The following STON1 variants were observed in gnomAD, a reference collection of about 807,000 sequenced individuals.
The protein encoded by STON1 is stonin-1.
Under a neutral mutation model 60.9 loss-of-function variants are expected in STON1, and 79 were observed. The ratio of observed to expected loss-of-function variants is 1.30; its 90% CI spans 1.08 to 1.56. The LOEUF is 1.56. STON1 is among the 40% of genes most tolerant of loss of function. STON1 has a pLI of 0.00. For missense variants in STON1, 1,166 were observed against 858.9 expected (o/e 1.36, Z -4.47); for synonymous variants, 363 against 306.9 (o/e 1.18, Z -1.91).
chr2:48,550,818 A>G (rs1672072236), intron 1 of STON1, among the ~76,000 whole-genome samples: 1 of 151,624 alleles, frequency 6.6e-6, no homozygotes, highest in Non-Finnish European at 1.5e-5. Context: ...AGAGGAAAAC[A>G]CCTTCAGAGT....
intron 1 of STON1, among the ~76,000 whole-genome samples, chr2:48,563,634 T>C (rs1672699803): frequency 6.6e-6 from 1 of 152,218 alleles, no homozygotes; most frequent in Admixed American, 6.5e-5. Context: ...GTCTTCAGCA[T>C]GCTCCTGAGG....
intron 1 of STON1, among the ~76,000 whole-genome samples, chr2:48,549,291 T>C (rs1168669902): frequency 6.6e-6 from 1 of 152,212 alleles, no homozygotes; most frequent in East Asian, 1.9e-4. Flanking sequence ...TGATGCTCCC[T>C]GAAGCACCTT....
At chr2:48,575,031 C>T (rs1558621963) in intron 1 of STON1, among the ~76,000 whole-genome samples, 1 of 152,228 alleles carries the variant, frequency 6.6e-6, no homozygotes, top group Admixed American at 6.5e-5. Flanking sequence ...TTACCTACTC[C>T]CAGTTCCTGG....
Position 48,581,512 on chromosome 2 carries a change from A to G in STON1, c.879A>G (p.Gln293=), listed in dbSNP as rs1347663027. Reference sequence around the variant, plus strand: ...AGAAGAATATGATGTCTTCCCGGCAATGGGGACCAATTTTTCTGAAAGTTT... The same window carrying G: ...AGAAGAATATGATGTCTTCCCGGCAGTGGGGACCAATTTTTCTGAAAGTTT... The part of the protein sequence containing the change: ...PEKKNMMSSR[Q]WGPIFLKVLP... The change falls in exon 2 of 4, where the codon CAA becomes CAG. Residue 293 remains glutamine (Q), a synonymous_variant. Transcript: ENST00000404752. The G allele has an allele frequency of 7.4e-6, 12 of 1,614,108 alleles. No individual in the cohort carries two copies. The highest frequency in any genetic ancestry group is 1.1e-5 in the South Asian group (1 of 91,092).
chr2:48,576,781 C>T (rs1414382949), intron 1 of STON1, among the ~76,000 whole-genome samples: 1 of 151,996 alleles, frequency 6.6e-6, no homozygotes, highest in Admixed American at 6.6e-5. Context: ...GCAGGCCGGG[C>T]GCGGTGGCTC....
chr2:48,542,915 A>T (rs72822291), intron 1 of STON1, among the ~76,000 whole-genome samples: 21,506 of 150,582 alleles, frequency 0.14, 2,024 homozygotes, highest in East Asian at 0.41. Flanking sequence ...AAAAAAAAAG[A>T]AGGTCTAATC....
intron 1 of STON1, among the ~76,000 whole-genome samples, chr2:48,554,871 C>A (rs1374415113): frequency 1.4e-5 from 1 of 73,694 alleles, no homozygotes; most frequent in Non-Finnish European, 2.7e-5. Flanking sequence ...GAGGACCCTG[C>A]GGCCTTCCGC....
chr2:48,582,163 C>G lies in STON1; in HGVS notation c.1530C>G (p.Cys510Trp), dbSNP rs1673926464. ...RIIKFVPLDA[C>W]RFELMRFKTL... ...TTAAGTTTGTACCTCTGGATGCCTG[C>G]CGGTTTGAGCTGATGCGTTTCAAGA... Residue 510 changes from cysteine to tryptophan, a missense_variant, in exon 2 of 4, where the codon TGC becomes TGG. Physicochemically the swap from Cys to Trp is radical, Grantham distance 215. Transcript: ENST00000404752. The G allele has an allele frequency of 2.5e-6, 4 of 1,614,180 alleles. No individual in the cohort carries two copies. The highest frequency in any genetic ancestry group is 3.4e-6 in the Non-Finnish European group (4 of 1,180,044).
At chr2:48,541,195 A>G (rs1201725630) in intron 1 of STON1, among the ~76,000 whole-genome samples, 1 of 151,658 alleles carries the variant, frequency 6.6e-6, no homozygotes, top group African/African-American at 2.4e-5. Context: ...TACTAAAAAT[A>G]CAAAAATTAG....
chr2:48,576,977 C>G (rs781198936), intron 1 of STON1, among the ~76,000 whole-genome samples: 1 of 151,292 alleles, frequency 6.6e-6, no homozygotes, highest in East Asian at 2.0e-4. Flanking sequence ...TGGCGTGAAC[C>G]TGGGAGATGG....
rs1047224833 is a variant in STON1 at position 48,595,957 on chromosome 2, A to G, written c.*655A>G. 7 of 152,218 alleles carry G rather than the reference A, an allele frequency of 4.6e-5. No homozygotes were observed. Among genetic ancestry groups the G allele is most frequent in the African/African-American group, 1.7e-4 (7 of 41,448 alleles). 9.4% of individuals were successfully genotyped at this position (152,218 alleles called of 1,614,324 possible). A position where few individuals can be genotyped will look rare whatever the true frequency, so the allele number is the denominator to read the frequency against. On this transcript the variant is annotated 3_prime_UTR_variant, in exon 4 of 4. Transcript: ENST00000404752. The stretch of plus-strand genomic sequence containing the variant: ...TGTTTTCTGGCGCGTGCTGCAAAGA[A>G]GCTATTTCTGTTGTCCTACATATTT...
intron 1 of STON1, among the ~76,000 whole-genome samples, chr2:48,546,386 T>A (rs1473162338): frequency 1.3e-5 from 2 of 152,158 alleles, no homozygotes; most frequent in African/African-American, 4.8e-5. Flanking sequence ...CACACTCAGC[T>A]CTGTGCACTC....
intron 3 of STON1, among the ~76,000 whole-genome samples, chr2:48,592,347 A>G (rs1038505223): frequency 6.6e-6 from 1 of 151,624 alleles, no homozygotes; most frequent in African/African-American, 2.4e-5. Context: ...GGGTATGTGT[A>G]TGTAAAACAC....
At chr2:48,563,728 CTG>C (rs1672704970) in intron 1 of STON1, among the ~76,000 whole-genome samples, 1 of 151,150 alleles carries the variant, frequency 6.6e-6, no homozygotes, top group South Asian at 2.1e-4. Context: ...CGTGGTCTCA[CTG>C]TGATTCAGGC....
At chr2:48,552,585 A>C (rs1672148897) in intron 1 of STON1, among the ~76,000 whole-genome samples, 1 of 151,982 alleles carries the variant, frequency 6.6e-6, no homozygotes, top group Non-Finnish European at 1.5e-5. Context: ...CAACATGGTG[A>C]GAGCCCGTCT....
chr2:48,586,797 G>T (rs1237825215), intron 2 of STON1, among the ~76,000 whole-genome samples: 1 of 152,198 alleles, frequency 6.6e-6, no homozygotes, highest in Non-Finnish European at 1.5e-5. Flanking sequence ...TTTAGGAGTA[G>T]ATTATAGACA....
intron 1 of STON1, among the ~76,000 whole-genome samples, chr2:48,556,229 A>G (rs1572942832): frequency 7.0e-5 from 2 of 28,556 alleles, no homozygotes; most frequent in Non-Finnish European, 1.5e-4. Flanking sequence ...TGACCCCCCC[A>G]CCTCCCTCCC....
chr2:48,578,569 TCC>T lies in STON1; in HGVS notation c.-47-2017_-47-2016del, dbSNP rs1158466711. On this transcript the variant is annotated intron_variant, in intron 1 of 3. Coordinates refer to ENST00000404752, the MANE Select transcript of STON1 (RefSeq NM_006873.4). ...CTCCTTCTCCTCCTTCTCCTCCTCC[TCC>T]TCCTCCTTCCTTTTTTTTTTTTTTT... 3.4e-3 allele frequency among the ~76,000 whole-genome samples: 386 copies of T among 114,680 alleles called. 1 individual carries two copies. Among genetic ancestry groups the T allele is most frequent in the Non-Finnish European group, 5.9e-3 (322 of 54,836 alleles). The allele number at this position is 114,680 out of a possible 152,430, so 75.2% of individuals were successfully genotyped here. A position where few individuals can be genotyped will look rare whatever the true frequency, so the allele number is the denominator to read the frequency against.
intron 1 of STON1, among the ~76,000 whole-genome samples, chr2:48,557,082 C>T (rs1206244165): frequency 9.2e-6 from 1 of 108,948 alleles, no homozygotes; most frequent in African/African-American, 3.3e-5. Context: ...TGACCCCCCC[C>T]CACCTCCCTC....
Sources: gnomAD v4.1 joint callset for allele counts (sites outside exome capture counted in the v4.1 genomes callset) on GRCh38, gnomAD v4.1.1 for gene constraint, MANE v1.5 for transcripts, NCBI Gene and HGNC (gene_info 2026-07-23, HGNC 2026-07-21) for gene names.